Variants in TENM3 observed in about 807,000 individuals in gnomAD.
TENM3 encodes teneurin-3.
Under a neutral mutation model 255.1 loss-of-function variants are expected in TENM3, and 63 were observed. The ratio of observed to expected loss-of-function variants is 0.25; its 90% confidence interval spans 0.20 to 0.30. The LOEUF (loss-of-function observed/expected upper bound fraction) is 0.30. TENM3 is among the 10% of genes least tolerant of loss of function. The pLI is 1.00. For missense variants in TENM3, 2,929 were observed against 3,461.1 expected, an observed-to-expected ratio of 0.85 and a Z score of 3.86; for synonymous variants, 1,306 against 1,322.3, an observed-to-expected ratio of 0.99 and a Z score of 0.27.
At chr4:181,652,930 T>C in the TENM3 span, among the ~76,000 whole-genome samples, 30,343 of 152,156 alleles carry the variant, frequency 0.2, 3,276 homozygotes, top group East Asian at 0.33. Context: ...TTCTTCTCTT[T>C]TGTGAAATTT....
chr4:181,662,766 A>G, the TENM3 span, among the ~76,000 whole-genome samples: 899 of 152,288 alleles, frequency 5.9e-3, 6 homozygotes, highest in African/African-American at 0.02. Flanking sequence ...GAAGTGTTTT[A>G]TACATTGATT....
chr4:181,551,442 ATGT>A, the TENM3 span, among the ~76,000 whole-genome samples: 1 of 152,304 alleles, frequency 6.6e-6, no homozygotes, highest in African/African-American at 2.4e-5. Flanking sequence ...CTTCCTGGAA[ATGT>A]TGTCATCCTT....
chr4:181,769,897 G>A, the TENM3 span, among the ~76,000 whole-genome samples: 3 of 152,092 alleles, frequency 2.0e-5, no homozygotes, highest in African/African-American at 7.2e-5. Flanking sequence ...AATTTATAGA[G>A]CCTAAAACTA....
the TENM3 span, among the ~76,000 whole-genome samples, chr4:181,658,196 A>G: frequency 6.6e-6 from 1 of 152,204 alleles, no homozygotes; most frequent in African/African-American, 2.4e-5. Context: ...GTCACTAGAA[A>G]AAAAGAATGT....
At chr4:182,107,648 C>T in the TENM3 span, among the ~76,000 whole-genome samples, 1 of 152,122 alleles carries the variant, frequency 6.6e-6, no homozygotes, top group East Asian at 1.9e-4. Context: ...AGGAAAGTCA[C>T]AGGCTTTTAA....
chr4:181,716,618 G>A, the TENM3 span, among the ~76,000 whole-genome samples: 6 of 152,242 alleles, frequency 3.9e-5, no homozygotes, highest in African/African-American at 1.4e-4. Context: ...CCTTCAGTTG[G>A]TAATCTGTAA....
the TENM3 span, among the ~76,000 whole-genome samples, chr4:181,904,153 C>T: frequency 6.6e-6 from 1 of 152,004 alleles, no homozygotes; most frequent in African/African-American, 2.4e-5. Flanking sequence ...AGCCTGCAGC[C>T]CCAGAGCATC....
At chr4:182,680,379 G>T in intron 9 of TENM3, 30 bp downstream of exon 9, 8 of 1,469,732 alleles carry the variant, frequency 5.4e-6, no homozygotes, top group Non-Finnish European at 7.5e-6. Flanking sequence ...CTCTTAAGCC[G>T]ATATAAATAA....
At chr4:182,704,195 A>T (rs1758099289) in intron 12 of TENM3, among the ~76,000 whole-genome samples, 1 of 152,192 alleles carries the variant, frequency 6.6e-6, no homozygotes, top group Non-Finnish European at 1.5e-5. Context: ...ATGTGTTACT[A>T]ACACGTGTAT....
At chr4:182,241,222 T>C (rs1335779412), upstream of TENM3, among the ~76,000 whole-genome samples, 3 of 152,216 alleles carry the variant, frequency 2.0e-5, no homozygotes, top group Non-Finnish European at 4.4e-5. Context: ...ACTTAATAAA[T>C]GTTCATTTAA....
chr4:181,920,702 T>A, the TENM3 span, among the ~76,000 whole-genome samples: 1 of 151,738 alleles, frequency 6.6e-6, no homozygotes. Flanking sequence ...ACTCTGATGG[T>A]AGTTTCTTTT....
chr4:182,562,369 A>C (rs531516728), intron 3 of TENM3, among the ~76,000 whole-genome samples: 1 of 152,238 alleles, frequency 6.6e-6, no homozygotes, highest in East Asian at 1.9e-4. Context: ...TCTCAAATTT[A>C]TATGTTGAAG....
chr4:181,528,618 G>A, the TENM3 span, among the ~76,000 whole-genome samples: 81 of 152,320 alleles, frequency 5.3e-4, 1 homozygote, highest in East Asian at 0.014. Flanking sequence ...ATCCTACGAG[G>A]TAGGTTGAAT....
At chr4:181,657,493 G>A in the TENM3 span, among the ~76,000 whole-genome samples, 21,439 of 152,078 alleles carry the variant, frequency 0.14, 1,795 homozygotes, top group Non-Finnish European at 0.19. Flanking sequence ...AGTCAGAATG[G>A]CCATTATTAA....
chr4:182,486,125 G>T (rs2151546559), intron 3 of TENM3, among the ~76,000 whole-genome samples: 1 of 152,052 alleles, frequency 6.6e-6, no homozygotes. Context: ...AGGTGTGGAA[G>T]AATAACCATA....
At chr4:182,442,845 T>TACACAC (rs1445116595) in intron 3 of TENM3, among the ~76,000 whole-genome samples, 15 of 79,578 alleles carry the variant, frequency 1.9e-4, no homozygotes, top group African/African-American at 7.1e-4. Context: ...TACATACATA[T>TACACAC]ATACACACAC....
the TENM3 span, among the ~76,000 whole-genome samples, chr4:181,853,615 G>A: frequency 1.3e-5 from 2 of 152,180 alleles, no homozygotes; most frequent in Non-Finnish European, 2.9e-5. Context: ...GAATAAGGGT[G>A]GGAATATTGT....
At chr4:182,771,094 G>A (rs1417087362) in intron 22 of TENM3, among the ~76,000 whole-genome samples, 1 of 152,164 alleles carries the variant, frequency 6.6e-6, no homozygotes, top group Non-Finnish European at 1.5e-5. Context: ...CAGCTTCCTG[G>A]GCTGTATCTC....
intron 20 of TENM3, among the ~76,000 whole-genome samples, chr4:182,752,993 C>CTGGAGAGCAAT (rs1190366332): frequency 1.5e-5 from 2 of 137,912 alleles, no homozygotes; most frequent in Non-Finnish European, 3.0e-5. Flanking sequence ...GTCGCCCAGG[C>CTGGAGAGCAAT]TGGAGAGCAA....
Sources: allele counts gnomAD v4.1 joint callset (sites outside exome capture counted in the v4.1 genomes callset), GRCh38; gene constraint gnomAD v4.1.1; transcripts MANE v1.5; gene names NCBI Gene and HGNC (gene_info 2026-07-23, HGNC 2026-07-21).